The following NFASC variants were observed in gnomAD, a reference collection of about 807,000 sequenced individuals.
The protein encoded by NFASC is neurofascin homolog.
A neutral mutation model predicts 147.5 loss-of-function variants in NFASC; 43 were observed. The ratio of observed to expected loss-of-function variants is 0.29; its 90% CI spans 0.23 to 0.38. NFASC has a LOEUF of 0.38. Among genes scored for constraint, NFASC ranks in the 10% least tolerant of loss-of-function variants. The probability of loss-of-function intolerance (pLI) is 1.00; values close to 1 mark genes in which losing one functional copy is unlikely to be tolerated. For missense variants in NFASC, 1,320 were observed against 1,689.0 expected (o/e 0.78, Z 3.83); for synonymous variants, 622 against 665.5 (o/e 0.93, Z 1.01).
intron 1 of NFASC, among the ~76,000 whole-genome samples, chr1:204,833,020 A>C (rs1476038775): frequency 6.6e-6 from 1 of 152,250 alleles, no homozygotes; most frequent in Non-Finnish European, 1.5e-5. Context: ...GGACTGCAGA[A>C]GAGGGCCTGG....
At chr1:204,868,308 G>A (rs920556840) in intron 1 of NFASC, among the ~76,000 whole-genome samples, 4 of 152,182 alleles carry the variant, frequency 2.6e-5, no homozygotes, top group African/African-American at 9.7e-5. Context: ...GCTGGATGTG[G>A]CACACCAGAC....
At chr1:204,860,683 T>A (rs974761667) in intron 1 of NFASC, among the ~76,000 whole-genome samples, 1 of 152,224 alleles carries the variant, frequency 6.6e-6, no homozygotes. Flanking sequence ...ACTATCTAAT[T>A]CCTTAAGACT....
At chr1:204,907,921 A>G (rs2086352938) in intron 1 of NFASC, among the ~76,000 whole-genome samples, 1 of 150,188 alleles carries the variant, frequency 6.7e-6, no homozygotes, top group Admixed American at 6.7e-5. Context: ...TCTATAATAC[A>G]TACTAACACA....
Position 205,010,914 on chromosome 1 carries a change from A to G in NFASC, c.3421+1226A>G, listed in dbSNP as rs1233094501. ...CAAGACTCCGTCTCAAAAAAGGAAA[A>G]AAAAAAAAAAAGATCCTGCAGCCCA... On this transcript the variant is annotated intron_variant, in intron 28 of 29. Transcript: ENST00000339876. This position sits in a 1 kb window ranked among gnomAD's most constrained non-coding sequence, Gnocchi z 4.1. 2 of 151,828 alleles carry G rather than the reference A, an allele frequency of 1.3e-5. No individual in the cohort carries two copies. Among genetic ancestry groups the G allele is most frequent in the East Asian group, 1.9e-4 (1 of 5,190 alleles). 9.4% of individuals were successfully genotyped at this position (151,828 alleles called of 1,614,324 possible).
chr1:204,987,647 A>G lies in NFASC; in HGVS notation c.2593+107A>G, dbSNP rs2095643360. On this transcript the variant is annotated intron_variant, in intron 22 of 29. Transcript: ENST00000339876. The surrounding 1 kb of genome is among the most constrained non-coding windows in gnomAD (Gnocchi z 4.4). ...TAGAAAGCCTGTGGGTGCAGATGGC[A>G]TTGTGGAGGGATGGAGGGGCCAACG... 1 of 1,336,002 alleles carries G rather than the reference A, an allele frequency of 7.5e-7. No homozygotes were observed. Among genetic ancestry groups the G allele is most frequent in the South Asian group, 1.3e-5 (1 of 78,340 alleles). 82.8% of individuals were successfully genotyped at this position (1,336,002 alleles called of 1,614,324 possible). A position where few individuals can be genotyped will look rare whatever the true frequency, so the allele number is the denominator to read the frequency against.
intron 1 of NFASC, among the ~76,000 whole-genome samples, chr1:204,860,187 T>A (rs1042091566): frequency 6.6e-6 from 1 of 152,348 alleles, no homozygotes; most frequent in South Asian, 2.1e-4. Context: ...ATGGCCATGA[T>A]ACTGCAGGCA....
rs904960953 is a variant in NFASC, at chr1:204,870,657, G to A, written c.-200+41875G>A. On this transcript the variant is annotated intron_variant, in intron 1 of 29. Transcript: ENST00000339876. ...ACACAACTCTTCCATTATGCATGAG[G>A]GAGACCCAGCGGTGAGCGAGTGAGC... 3 of 1,061,228 alleles carry A rather than the reference G, an allele frequency of 2.8e-6. No homozygotes were observed. The African/African-American group carries it at 5.0e-5, about 18-fold the overall frequency. 65.7% of individuals were successfully genotyped at this position (1,061,228 alleles called of 1,614,324 possible).
chr1:204,984,410 T>C (rs867463358), intron 21 of NFASC: 160 of 140,858 alleles, frequency 1.1e-3, no homozygotes, highest in African/African-American at 2.5e-3. Flanking sequence ...TATATATATA[T>C]ACACCCAGAT....
chr1:204,959,078 A>T (rs1425791465), intron 8 of NFASC, among the ~76,000 whole-genome samples: 1 of 141,150 alleles, frequency 7.1e-6, no homozygotes, highest in African/African-American at 2.6e-5. Context: ...TTTTTCTTTC[A>T]CCTTTTCATT....
At chr1:204,913,450 A>G (rs73079626) in intron 1 of NFASC, among the ~76,000 whole-genome samples, 187 of 152,368 alleles carry the variant, frequency 1.2e-3, no homozygotes, top group African/African-American at 4.4e-3. Context: ...GTATGATACT[A>G]GCACATGAAG....
chr1:204,945,231 C>T (rs2093642444), intron 3 of NFASC, among the ~76,000 whole-genome samples: 1 of 152,222 alleles, frequency 6.6e-6, no homozygotes, highest in East Asian at 1.9e-4. Flanking sequence ...AACTCTGACA[C>T]TTCTGGCAAA....
chr1:204,991,043 G>A (rs72753444), intron 23 of NFASC, among the ~76,000 whole-genome samples: 3,207 of 152,320 alleles, frequency 0.021, 66 homozygotes, highest in Middle Eastern at 0.11. Context: ...TGTTAGAAAG[G>A]TCTCCAAGGC....
chr1:205,015,096 C>T lies in NFASC; in HGVS notation c.3492-1212C>T, dbSNP rs1481961137. Among the ~76,000 whole-genome samples the T allele has an allele frequency of 1.3e-5, 2 of 152,208 alleles. No homozygotes were observed. Among genetic ancestry groups the T allele is most frequent in the East Asian group, 3.9e-4 (2 of 5,184 alleles). On this transcript the variant is annotated intron_variant, in intron 29 of 29. Transcript: ENST00000339876. The surrounding 1 kb of genome is among the most constrained non-coding windows in gnomAD (Gnocchi z 4.0). ...ACAGCCCCGGCTCTGGCTCGCTGCC[C>T]TCACCTGACAGCTGTCTTTGCCCGA...
intron 1 of NFASC, among the ~76,000 whole-genome samples, chr1:204,908,903 A>G (rs1369610141): frequency 6.6e-6 from 1 of 152,218 alleles, no homozygotes; most frequent in African/African-American, 2.4e-5. Flanking sequence ...ATATATCACT[A>G]GTATAAATAG....
chr1:204,897,499 C>CA (rs1164251328), intron 1 of NFASC, among the ~76,000 whole-genome samples: 3 of 152,036 alleles, frequency 2.0e-5, no homozygotes, highest in African/African-American at 7.2e-5. Context: ...CAAGGTCACA[C>CA]AGCTAATACT....
chr1:204,910,521 A>G (rs922969384), intron 1 of NFASC, among the ~76,000 whole-genome samples: 1 of 135,472 alleles, frequency 7.4e-6, no homozygotes, highest in African/African-American at 2.7e-5. Flanking sequence ...TTGGCATCTT[A>G]GCTCACTGCA....
rs564152933 is a variant in NFASC at position 204,984,345 on chromosome 1, G to A, written c.2470+2325G>A. The A allele has an allele frequency of 6.1e-3, 1,388 of 227,416 alleles. 19 individuals are homozygous for A. The highest frequency in any genetic ancestry group is 0.044 in the African/African-American group (1,200 of 27,102). 14.1% of individuals were successfully genotyped at this position (227,416 alleles called of 1,614,324 possible). A position where few individuals can be genotyped will look rare whatever the true frequency, so the allele number is the denominator to read the frequency against. On this transcript the variant is annotated intron_variant, in intron 21 of 29. Transcript: ENST00000339876. ...ATTATATATATATGTGTGTGTGTGT[G>A]TATATATATATATGTGTGTGTGTGT...
intron 1 of NFASC, among the ~76,000 whole-genome samples, chr1:204,908,919 T>C (rs1314212437): frequency 2.0e-5 from 3 of 152,196 alleles, no homozygotes; most frequent in Non-Finnish European, 4.4e-5. Flanking sequence ...AATAGTCCAT[T>C]CCTTCTTATT....
intron 1 of NFASC, among the ~76,000 whole-genome samples, chr1:204,838,174 C>A (rs1368249769): frequency 2.0e-5 from 3 of 152,218 alleles, no homozygotes; most frequent in African/African-American, 7.2e-5. Context: ...CACAGTCTAA[C>A]ATAATTAAGC....
Sources: allele counts gnomAD v4.1 joint callset (sites outside exome capture counted in the v4.1 genomes callset), GRCh38; gene constraint gnomAD v4.1.1; non-coding constraint Gnocchi (gnomAD v3.1); transcripts MANE v1.5; gene names NCBI Gene and HGNC (gene_info 2026-07-23, HGNC 2026-07-21).